Variants in METTL25 observed in about 807,000 individuals in gnomAD.
METTL25 encodes the protein probable methyltransferase-like protein 25.
In METTL25, 64 loss-of-function variants were observed where a neutral mutation model predicts 71.6. That is an observed-to-expected ratio of 0.89 (90% CI 0.73 to 1.10). METTL25 has a LOEUF of 1.10. Among genes scored for constraint, METTL25 ranks in the 50% least tolerant of loss-of-function variants. The pLI is 0.00. For missense variants in METTL25, 807 were observed against 707.0 expected, an observed-to-expected ratio of 1.14 and a Z score of -1.60; for synonymous variants, 287 against 250.3, an observed-to-expected ratio of 1.15 and a Z score of -1.38.
Position 82,358,741 on chromosome 12 carries a change from T to C in METTL25, c.176T>C (p.Leu59Pro). ...GTCGACTTGCCACCGGAGACAGTGC[T>C]GGCTGCGCTGAGGAAGTCAGCGTCG... is the stretch of plus-strand genomic sequence containing the variant. Reference protein sequence around the residue: ...ELVDLPPETVLAALRKSASET... With the variant: ...ELVDLPPETVPAALRKSASET... The change falls in exon 1 of 12, where the codon CTG becomes CCG. Residue 59 changes from leucine (L) to proline (P), a missense_variant. Transcript: ENST00000248306. The C allele has an allele frequency of 4.3e-6, 7 of 1,613,838 alleles. No homozygotes were observed. The highest frequency in any genetic ancestry group is 5.9e-6 in the Non-Finnish European group (7 of 1,179,962).
chr12:82,450,316 C>CT (rs1237030485), intron 8 of METTL25, among the ~76,000 whole-genome samples: 1 of 152,102 alleles, frequency 6.6e-6, no homozygotes, highest in Non-Finnish European at 1.5e-5. Flanking sequence ...GACCAGAAAT[C>CT]TTTAAGACAT....
intron 5 of METTL25, among the ~76,000 whole-genome samples, chr12:82,423,205 T>G (rs1888683170): frequency 2.0e-5 from 3 of 152,068 alleles, no homozygotes; most frequent in Admixed American, 6.6e-5. Flanking sequence ...TGTAGACCAA[T>G]GGAACAGAAC....
At chr12:82,365,604 C>A (rs1159470187) in intron 1 of METTL25, among the ~76,000 whole-genome samples, 2 of 152,190 alleles carry the variant, frequency 1.3e-5, no homozygotes, top group African/African-American at 4.8e-5. Flanking sequence ...GTAACATTCT[C>A]AGCAGAATCA....
intron 9 of METTL25, among the ~76,000 whole-genome samples, chr12:82,465,789 G>T (rs994940439): frequency 2.0e-5 from 3 of 151,842 alleles, no homozygotes; most frequent in Non-Finnish European, 4.4e-5. Context: ...CTTGTTATTG[G>T]TCTATTCAGG....
At chr12:82,400,105 C>T (rs770614346) in intron 4 of METTL25, among the ~76,000 whole-genome samples, 3 of 151,998 alleles carry the variant, frequency 2.0e-5, no homozygotes, top group East Asian at 1.9e-4. Flanking sequence ...AGGTGGATCA[C>T]GAGGTCAGGA....
At chr12:82,459,296 T>C (rs1891700449) in intron 9 of METTL25, among the ~76,000 whole-genome samples, 1 of 152,114 alleles carries the variant, frequency 6.6e-6, no homozygotes, top group Non-Finnish European at 1.5e-5. Context: ...ATTGAAATTT[T>C]TAAAAAGAGC....
intron 8 of METTL25, among the ~76,000 whole-genome samples, chr12:82,442,581 A>G (rs1423971828): frequency 6.6e-6 from 1 of 152,140 alleles, no homozygotes; most frequent in African/African-American, 2.4e-5. Flanking sequence ...AAGAGGGTGG[A>G]GTAAGCAGGA....
chr12:82,458,489 G>A (rs1255352336), intron 9 of METTL25, among the ~76,000 whole-genome samples: 5 of 152,064 alleles, frequency 3.3e-5, no homozygotes, highest in African/African-American at 4.8e-5. Flanking sequence ...AGGAAAACCT[G>A]AACTGTAATT....
rs1042302359 is a variant in METTL25 at position 82,449,990 on chromosome 12, C to T, written c.1479-6737C>T. On this transcript the variant is annotated intron_variant, in intron 8 of 11. Coordinates refer to ENST00000248306, the MANE Select transcript of METTL25 (RefSeq NM_032230.3). ...TGAATGACCCTATGTTGTTAAATTGCGTGATCCATTCTCAGTCCTCTTCTT... is the reference window on the plus strand; with the variant it reads ...TGAATGACCCTATGTTGTTAAATTGTGTGATCCATTCTCAGTCCTCTTCTT... 6.6e-5 allele frequency among the ~76,000 whole-genome samples: 10 copies of T among 152,062 alleles called. No individual in the cohort carries two copies. The East Asian group carries it at 7.7e-4, about 12-fold the overall frequency.
chr12:82,469,726 T>C (rs539646479), intron 9 of METTL25, among the ~76,000 whole-genome samples: 40 of 152,108 alleles, frequency 2.6e-4, no homozygotes, highest in African/African-American at 9.4e-4. Context: ...GAGGTTAATC[T>C]TTATGTCATG....
At chr12:82,376,015 GA>G (rs1471553374) in intron 1 of METTL25, among the ~76,000 whole-genome samples, 1 of 152,202 alleles carries the variant, frequency 6.6e-6, no homozygotes, top group East Asian at 1.9e-4. Context: ...AATGGAAGAT[GA>G]ATGGATTATG....
intron 8 of METTL25, among the ~76,000 whole-genome samples, chr12:82,454,610 A>G (rs1592751389): frequency 6.6e-6 from 1 of 152,138 alleles, no homozygotes; most frequent in East Asian, 1.9e-4. Flanking sequence ...ATACTGTGAT[A>G]CTTTGCTACA....
chr12:82,416,920 T>G (rs41372046), intron 5 of METTL25, among the ~76,000 whole-genome samples: 4,060 of 152,226 alleles, frequency 0.027, 77 homozygotes, highest in Admixed American at 0.046. Flanking sequence ...AAACCTGAAA[T>G]GAAAATCAAG....
At position 82,439,718 on chromosome 12, in the gene METTL25, T is replaced by G. The variant is rs1339352253; in HGVS notation, c.1478+927T>G. ...ATCATCAAAATGTCTAAAACTGAATTTTTCATGTGCTCCTGAAAACTAGTT... is the reference window on the plus strand; with the variant it reads ...ATCATCAAAATGTCTAAAACTGAATGTTTCATGTGCTCCTGAAAACTAGTT... On this transcript the variant is annotated intron_variant, in intron 8 of 11. Transcript: ENST00000248306. 3 of 207,516 alleles carry G rather than the reference T, an allele frequency of 1.4e-5. No homozygotes were observed. In the Admixed American group the frequency reaches 2.0e-4, roughly 14 times the overall value. The allele number at this position is 207,516 out of a possible 1,614,324, so 12.9% of individuals were successfully genotyped here.
chr12:82,395,360 A>G (rs1885973140), intron 3 of METTL25, among the ~76,000 whole-genome samples: 1 of 152,012 alleles, frequency 6.6e-6, no homozygotes, highest in Admixed American at 6.6e-5. Flanking sequence ...TTTGTTGAAA[A>G]TGGAGTGAAA....
intron 5 of METTL25, among the ~76,000 whole-genome samples, chr12:82,403,949 C>T (rs1274558330): frequency 2.0e-5 from 3 of 151,990 alleles, no homozygotes; most frequent in Non-Finnish European, 4.4e-5. Context: ...CTTTTGTGTG[C>T]ATTAAGATGG....
chr12:82,409,989 G>C (rs774196367), intron 5 of METTL25, among the ~76,000 whole-genome samples: 1 of 151,970 alleles, frequency 6.6e-6, no homozygotes, highest in Admixed American at 6.6e-5. Flanking sequence ...GAGGGAGAAG[G>C]CTGCATATAT....
intron 8 of METTL25, among the ~76,000 whole-genome samples, chr12:82,441,498 G>C (rs1202805675): frequency 6.6e-6 from 1 of 151,650 alleles, no homozygotes; most frequent in Non-Finnish European, 1.5e-5. Flanking sequence ...TGTTTTTCCT[G>C]CTAAGTACAA....
Position 82,428,624 on chromosome 12 carries a change from G to A in METTL25, c.1280-2269G>A, listed in dbSNP as rs1398629014. ...AGGGCTCTATGAGTCCTATGCAATT[G>A]TAACTGAAATTGTTTGTTAATGTAC... On this transcript the variant is annotated intron_variant, in intron 5 of 11. Coordinates refer to ENST00000248306, the MANE Select transcript of METTL25 (RefSeq NM_032230.3). Among the ~76,000 whole-genome samples, 16 of 151,846 alleles carry A rather than the reference G, an allele frequency of 1.1e-4. No individual in the cohort carries two copies. In the Admixed American group the frequency reaches 1.1e-3, roughly 10 times the overall value.
Sources: allele counts gnomAD v4.1 joint callset (sites outside exome capture counted in the v4.1 genomes callset), GRCh38; gene constraint gnomAD v4.1.1; transcripts MANE v1.5; gene names NCBI Gene and HGNC (gene_info 2026-07-23, HGNC 2026-07-21).